Variants in RGSL1 observed in about 807,000 individuals in gnomAD.
The protein encoded by RGSL1 is regulator of G protein signaling like 1.
In RGSL1, 97 loss-of-function variants were observed where a neutral mutation model predicts 124.7. That is an observed-to-expected ratio of 0.78 (90% CI 0.66 to 0.92). RGSL1 has a LOEUF of 0.92. Among genes scored for constraint, RGSL1 ranks in the 40% least tolerant of loss-of-function variants. The pLI, the probability that RGSL1 is intolerant of heterozygous loss-of-function variation, is 0.00. For synonymous variants in RGSL1, 424 were observed against 438.1 expected (o/e 0.97, Z 0.40); for missense variants, 1,233 against 1,288.4 (o/e 0.96, Z 0.66).
chr1:182,532,663 A>AGAAAGGCTGGAT lies in RGSL1; in HGVS notation c.2369_2380dup (p.Lys790_Met793dup). ...TTATACTCCTCTTTCTTTCCCCAGA[A>AGAAAGGCTGGAT]GAAAGGCTGGATGAGAATGATCAGC... On this transcript the variant is annotated inframe_insertion and splice_region_variant, in exon 14 of 22. Coordinates refer to ENST00000294854, the MANE Select transcript of RGSL1 (RefSeq NM_001137669.2). The AGAAAGGCTGGAT allele has an allele frequency of 6.4e-7, 1 of 1,550,660 alleles. No individual in the cohort carries two copies. The highest frequency in any genetic ancestry group is 1.4e-5 in the African/African-American group (1 of 73,114).
At chr1:182,489,605 G>A (rs780337929) in intron 8 of RGSL1, among the ~76,000 whole-genome samples, 1 of 152,160 alleles carries the variant, frequency 6.6e-6, no homozygotes, top group Non-Finnish European at 1.5e-5. Context: ...GCATTTCTGT[G>A]AACATATTTT....
At chr1:182,545,466 T>C (rs1660151473) in intron 15 of RGSL1, among the ~76,000 whole-genome samples, 1 of 152,232 alleles carries the variant, frequency 6.6e-6, no homozygotes, top group Non-Finnish European at 1.5e-5. Flanking sequence ...TAGAATATTC[T>C]AGATTGGTCT....
At chr1:182,487,941 G>A (rs1479557609) in intron 6 of RGSL1, among the ~76,000 whole-genome samples, 1 of 152,166 alleles carries the variant, frequency 6.6e-6, no homozygotes, top group Non-Finnish European at 1.5e-5. Flanking sequence ...AAGATGCTTG[G>A]TTTTCAGGGC....
intron 9 of RGSL1, among the ~76,000 whole-genome samples, chr1:182,509,627 G>T (rs1381336407): frequency 7.9e-6 from 1 of 126,702 alleles, no homozygotes; most frequent in Non-Finnish European, 1.7e-5. Flanking sequence ...GGGCAGAGGC[G>T]CCCCTCACCT....
At chr1:182,532,819 T>C (rs773375175) in intron 14 of RGSL1, 28 bp downstream of exon 14, 11 of 1,540,740 alleles carry the variant, frequency 7.1e-6, no homozygotes, top group Non-Finnish European at 9.7e-6. Flanking sequence ...TTACCCCCAC[T>C]CCCTGTTGAT....
At chr1:182,461,414 T>G (rs1652824310) in intron 4 of RGSL1, among the ~76,000 whole-genome samples, 1 of 151,720 alleles carries the variant, frequency 6.6e-6, no homozygotes, top group African/African-American at 2.4e-5. Context: ...AGTTAACACA[T>G]CATTAGGTTC....
At chr1:182,464,118 T>C (rs548649637) in intron 4 of RGSL1, among the ~76,000 whole-genome samples, 1 of 151,472 alleles carries the variant, frequency 6.6e-6, no homozygotes, top group African/African-American at 2.4e-5. Context: ...AAAGAAAAAA[T>C]TACAAGGGAA....
chr1:182,472,622 C>T, intron 5 of RGSL1, 65 bp downstream of exon 5: 1 of 1,429,262 alleles, frequency 7.0e-7, no homozygotes, highest in African/African-American at 1.4e-5. Context: ...GTCTGATAAT[C>T]CTCAGTCTCC....
intron 17 of RGSL1, chr1:182,549,154 G>T: frequency 4.7e-6 from 1 of 214,714 alleles, no homozygotes; most frequent in Non-Finnish European, 9.4e-6. Flanking sequence ...AGCCCCTTGG[G>T]GAGAAATTCT....
At chr1:182,510,863 T>C (rs1353703987) in intron 9 of RGSL1, among the ~76,000 whole-genome samples, 1 of 152,234 alleles carries the variant, frequency 6.6e-6, no homozygotes, top group African/African-American at 2.4e-5. Context: ...GCAAATATTT[T>C]CTCCCAGTCT....
At chr1:182,557,899 C>A (rs1469120781) in intron 21 of RGSL1, among the ~76,000 whole-genome samples, 3 of 152,112 alleles carry the variant, frequency 2.0e-5, no homozygotes, top group African/African-American at 7.2e-5. Flanking sequence ...CTGTAGAATA[C>A]AGGCAGGGTG....
At chr1:182,528,114 G>C (rs1160078934) in intron 11 of RGSL1, among the ~76,000 whole-genome samples, 1 of 152,104 alleles carries the variant, frequency 6.6e-6, no homozygotes, top group Non-Finnish European at 1.5e-5. Context: ...ACCTCTTCAT[G>C]GAGCAGCAAG....
chr1:182,510,550 C>T (rs1437924917), intron 9 of RGSL1, among the ~76,000 whole-genome samples: 13 of 58,634 alleles, frequency 2.2e-4, no homozygotes, highest in Middle Eastern at 5.6e-3. Flanking sequence ...TGCCTGCAAT[C>T]GCAGGCACTC....
intron 18 of RGSL1, among the ~76,000 whole-genome samples, chr1:182,552,024 A>G (rs1342312140): frequency 6.6e-6 from 1 of 152,180 alleles, no homozygotes; most frequent in African/African-American, 2.4e-5. Flanking sequence ...AGTACATTCT[A>G]TGATATTCAC....
Position 182,532,669 on chromosome 1 carries a change from G to A in RGSL1, c.2372G>A (p.Gly791Asp). 1.3e-6 allele frequency: 2 copies of A among 1,550,626 alleles called. No homozygotes were observed. Among genetic ancestry groups the A allele is most frequent in the Non-Finnish European group, 8.7e-7 (1 of 1,146,262 alleles). The change falls in exon 14 of 22, where the codon GGC becomes GAC. Residue 791 changes from glycine to aspartate, a missense_variant. Transcript: ENST00000294854. ...TCCTCTTTCTTTCCCCAGAAGAAAG[G>A]CTGGATGAGAATGATCAGCTTTATC... ...STYLQESQKKGWMRMISFIRS... is the reference protein window; with the variant it reads ...STYLQESQKKDWMRMISFIRS...
At chr1:182,549,583 T>C (rs1660434408) in intron 17 of RGSL1, 1 of 152,186 alleles carries the variant, frequency 6.6e-6, no homozygotes, top group South Asian at 2.1e-4. Context: ...GGCAGTGCCT[T>C]GGGTGGTAGT....
In RGSL1 at chr1:182,460,160, CTGTGTGTGTGTGTGTG is replaced by C. The variant is rs10572829; in HGVS notation, c.301+37_301+52del. 6.9e-5 allele frequency: 98 copies of C among 1,430,284 alleles called. 1 individual carries two copies. In the Middle Eastern group the frequency reaches 4.8e-3, roughly 71 times the overall value. The allele number at this position is 1,430,284 out of a possible 1,614,324, so 88.6% of individuals were successfully genotyped here. ...TAAGCATTGGTGTGCATGCGTGTGT[CTGTGTGTGTGTGTGTG>C]TGTGTGTGTAGAAATATAGGAAGTC... is the stretch of plus-strand genomic sequence containing the variant. On this transcript the variant is annotated intron_variant, in intron 4 of 21. Transcript: ENST00000294854.
chr1:182,532,494 GCTCTCTAAC>G (rs1353152908), intron 13 of RGSL1, among the ~76,000 whole-genome samples, 159 bp from the exon 14 acceptor site: 4 of 152,054 alleles, frequency 2.6e-5, no homozygotes, highest in African/African-American at 9.7e-5. Context: ...GATTGTACAA[GCTCTCTAAC>G]CTGAGTTTCC....
chr1:182,455,768 C>T (rs1652266791), intron 2 of RGSL1, among the ~76,000 whole-genome samples: 1 of 152,174 alleles, frequency 6.6e-6, no homozygotes, highest in Admixed American at 6.5e-5. Flanking sequence ...GGGTGAGATG[C>T]CACAAGAGAT....
Sources: allele counts gnomAD v4.1 joint callset (sites outside exome capture counted in the v4.1 genomes callset), GRCh38; gene constraint gnomAD v4.1.1; transcripts MANE v1.5; gene names NCBI Gene and HGNC (gene_info 2026-07-23, HGNC 2026-07-21).